The following CRTC1 variants were observed in gnomAD, a reference collection of about 807,000 sequenced individuals.
The protein encoded by CRTC1 is CREB regulated transcription coactivator 1.
In CRTC1, 18 loss-of-function variants were observed where a neutral mutation model predicts 66.1. The observed-to-expected ratio is 0.27, with a 90% CI of 0.19 to 0.40. The LOEUF (loss-of-function observed/expected upper bound fraction) is 0.40, where lower values mean the gene tolerates loss of function less well. CRTC1 is among the 10% of genes least tolerant of loss of function. CRTC1 has a pLI of 1.00. For missense variants in CRTC1, 669 were observed against 887.9 expected (o/e 0.75, Z 3.13); for synonymous variants, 416 against 398.8 (o/e 1.04, Z -0.51).
At chr19:18,763,549 C>T (rs765342556) in intron 8 of CRTC1, among the ~76,000 whole-genome samples, 2 of 152,322 alleles carry the variant, frequency 1.3e-5, no homozygotes, top group East Asian at 1.9e-4. Flanking sequence ...CGCCGGACAA[C>T]GCGTTTTTTC....
At position 18,683,707 on chromosome 19, in the gene CRTC1, C is replaced by T. The variant is rs1425431196; in HGVS notation, c.5C>T (p.Ala2Val). Residue 2 changes from alanine (A) to valine (V), a missense_variant, in exon 1 of 14, where the codon GCG (alanine) becomes GTG (valine). By Grantham distance (64) the Ala-to-Val change is moderately conservative. Transcript: ENST00000321949. ...GGAGGAGGTGGCGGCGAGAAGATGGCGACTTCGAACAATCCGCGGAAATTC... is the reference window on the plus strand; with the variant it reads ...GGAGGAGGTGGCGGCGAGAAGATGGTGACTTCGAACAATCCGCGGAAATTC... M[A>V]TSNNPRKFSE... 2.1e-6 allele frequency: 3 copies of T among 1,395,716 alleles called. No homozygotes were observed. Among genetic ancestry groups the T allele is most frequent in the South Asian group, 1.3e-5 (1 of 77,410 alleles). The allele number at this position is 1,395,716 out of a possible 1,614,324, so 86.5% of individuals were successfully genotyped here.
At chr19:18,747,177 A>G in intron 4 of CRTC1, 63 bp downstream of exon 4, 1 of 1,127,832 alleles carries the variant, frequency 8.9e-7, no homozygotes, top group Non-Finnish European at 1.3e-6. Context: ...AACTCTCATC[A>G]TGGTTACATG....
chr19:18,744,295 C>A (rs568301556), intron 2 of CRTC1: 389 of 740,250 alleles, frequency 5.3e-4, no homozygotes, highest in Admixed American at 1.1e-3. Context: ...GTGTCCCGTC[C>A]GCCAAATGGA....
In CRTC1 at chr19:18,771,685, C is replaced by A; in HGVS notation, c.1425+139C>A. On this transcript the variant is annotated intron_variant, in intron 11 of 13. Transcript: ENST00000321949. The surrounding 1 kb of genome is among the most constrained non-coding windows in gnomAD (Gnocchi z 4.6). The stretch of plus-strand genomic sequence containing the variant: ...ATGCATCCCATCCCGTCCACGCCAT[C>A]GGACCTGAGCTGTGCACCTACCAGG... The A allele has an allele frequency of 1.4e-6, 1 of 699,258 alleles. No individual in the cohort carries two copies. 43.3% of individuals were successfully genotyped at this position (699,258 alleles called of 1,614,324 possible). A position where few individuals can be genotyped will look rare whatever the true frequency, so the allele number is the denominator to read the frequency against.
At chr19:18,743,091 C>A in intron 2 of CRTC1, 65 bp downstream of exon 2, 1 of 1,253,524 alleles carries the variant, frequency 8.0e-7, no homozygotes, top group Non-Finnish European at 1.2e-6. Context: ...CCACTGGGGG[C>A]CAGACATTGA....
intron 1 of CRTC1, among the ~76,000 whole-genome samples, chr19:18,718,908 T>C (rs2053564002): frequency 6.6e-6 from 1 of 152,192 alleles, no homozygotes; most frequent in African/African-American, 2.4e-5. Context: ...GGAAGCCTAC[T>C]GGTGTGTTTA....
chr19:18,752,447 T>TA (rs2054386129), intron 5 of CRTC1, among the ~76,000 whole-genome samples: 1 of 152,052 alleles, frequency 6.6e-6, no homozygotes, highest in African/African-American at 2.4e-5. Flanking sequence ...GCCTCTCGCA[T>TA]AGCTGGGACT....
chr19:18,739,454 A>C (rs2054067150), intron 1 of CRTC1, among the ~76,000 whole-genome samples: 1 of 152,216 alleles, frequency 6.6e-6, no homozygotes, highest in African/African-American at 2.4e-5. Flanking sequence ...CGGGCCTGTC[A>C]CCTGGCTTGT....
chr19:18,748,584 C>G (rs1350671155), intron 4 of CRTC1, among the ~76,000 whole-genome samples: 3 of 147,166 alleles, frequency 2.0e-5, no homozygotes, highest in Admixed American at 2.0e-4. Flanking sequence ...CCTGTAATCC[C>G]AGCACTTTGG....
chr19:18,753,642 C>A, intron 6 of CRTC1, 57 bp downstream of exon 6: 1 of 1,365,088 alleles, frequency 7.3e-7, no homozygotes, highest in Non-Finnish European at 1.0e-6. Context: ...TCAAGCATCA[C>A]CTGGGCAAAG....
chr19:18,748,440 A>G (rs2054293325), intron 4 of CRTC1, among the ~76,000 whole-genome samples: 1 of 146,084 alleles, frequency 6.8e-6, no homozygotes, highest in Non-Finnish European at 1.5e-5. Context: ...GCTGGTCTCA[A>G]ACTCCTGGGC....
intron 8 of CRTC1, among the ~76,000 whole-genome samples, chr19:18,761,917 C>T (rs2054622747): frequency 6.6e-6 from 1 of 152,060 alleles, no homozygotes; most frequent in Admixed American, 6.5e-5. Context: ...GGGCCCTGGG[C>T]CCTGGGCCCG....
intron 1 of CRTC1, among the ~76,000 whole-genome samples, chr19:18,739,205 C>A (rs1392415397): frequency 1.3e-5 from 2 of 152,236 alleles, no homozygotes; most frequent in Non-Finnish European, 2.9e-5. Flanking sequence ...TGTTGACAGC[C>A]ATGGGGATGG....
chr19:18,698,815 G>A (rs897363635), intron 1 of CRTC1, among the ~76,000 whole-genome samples: 1 of 150,248 alleles, frequency 6.7e-6, no homozygotes. Context: ...GCAGGCACAC[G>A]GTGTGTATTC....
Position 18,765,538 on chromosome 19 carries a change from C to A in CRTC1, c.1011+10C>A, listed in dbSNP as rs761762428. On this transcript the variant is annotated intron_variant, in intron 9 of 13. Coordinates refer to ENST00000321949, the MANE Select transcript of CRTC1 (RefSeq NM_015321.3). ...GTCACCCATCACTCAGGTGCGAGGG[C>A]AAGGTGGGGGGCAGGTGGGAGGGGG... 2.5e-6 allele frequency: 4 copies of A among 1,598,292 alleles called. No individual in the cohort carries two copies. Among genetic ancestry groups the A allele is most frequent in the Non-Finnish European group, 3.4e-6 (4 of 1,175,382 alleles).
chr19:18,757,228 G>A (rs2054509936), intron 6 of CRTC1, among the ~76,000 whole-genome samples: 1 of 152,152 alleles, frequency 6.6e-6, no homozygotes, highest in Non-Finnish European at 1.5e-5. Context: ...GGTCATGCCT[G>A]CCAAGAGCAG....
At chr19:18,733,585 A>T (rs956813368) in intron 1 of CRTC1, among the ~76,000 whole-genome samples, 1 of 152,182 alleles carries the variant, frequency 6.6e-6, no homozygotes, top group Admixed American at 6.5e-5. Flanking sequence ...CGTGCCCCTG[A>T]TGCTCTCATC....
chr19:18,775,339 A>AAG (rs2054963613), intron 12 of CRTC1, among the ~76,000 whole-genome samples: 1 of 152,126 alleles, frequency 6.6e-6, no homozygotes, highest in Non-Finnish European at 1.5e-5. Flanking sequence ...GTTTGCCGGG[A>AAG]GGTCGTGCTG....
rs1344623008 is a variant in CRTC1 at position 18,760,067 on chromosome 19, CA to C, written c.726del (p.Ser245ProfsTer5). 6.2e-7 allele frequency: 1 copy of C among 1,613,372 alleles called. No homozygotes were observed. On this transcript the variant is annotated frameshift_variant, in exon 8 of 14. Transcript: ENST00000321949. LOFTEE classifies it high-confidence loss of function. The surrounding 1 kb of genome is among the most constrained non-coding windows in gnomAD (Gnocchi z 6.2). ...GCCCTGATCCCCGCCACCCACAACA[CA>C]GGGGGGTCCCTGCCCGACCTGACCA... ...TTALIPATHN[T>X]GGSLPDLTNI...
Sources: allele counts gnomAD v4.1 joint callset (sites outside exome capture counted in the v4.1 genomes callset), GRCh38; gene constraint gnomAD v4.1.1; non-coding constraint Gnocchi (gnomAD v3.1); transcripts MANE v1.5; gene names NCBI Gene and HGNC (gene_info 2026-07-23, HGNC 2026-07-21).